The following FAM13A variants were observed in gnomAD, a reference collection of about 807,000 sequenced individuals.
FAM13A encodes the protein family with sequence similarity 13 member A.
FAM13A carries 76 observed loss-of-function variants against 129.6 expected under a neutral mutation model. The observed-to-expected ratio is 0.59, with a 90% CI of 0.49 to 0.71. The LOEUF (loss-of-function observed/expected upper bound fraction) is 0.71, where lower values mean the gene tolerates loss of function less well. Among genes scored for constraint, FAM13A ranks in the 30% least tolerant of loss-of-function variants. The pLI is 0.00. For missense variants in FAM13A, 1,108 were observed against 1,249.3 expected (o/e 0.89, Z 1.70); for synonymous variants, 443 against 449.9 (o/e 0.98, Z 0.20).
chr4:88,851,131 G>A lies in FAM13A; in HGVS notation c.896C>T (p.Pro299Leu), dbSNP rs2149985773. 1.2e-6 allele frequency: 2 copies of A among 1,613,886 alleles called. No individual in the cohort carries two copies. The highest frequency in any genetic ancestry group is 2.2e-5 in the South Asian group (2 of 91,072). Residue 299 changes from proline (P) to leucine (L), a missense_variant, in exon 7 of 24, where the codon CCA becomes CTA. Pro to Leu is a moderately conservative substitution (Grantham distance 98). Around this residue, in one of 3 missense-constraint regions of FAM13A, gnomAD observed 566 missense variants for 595.7 expected, o/e 0.95. Coordinates refer to ENST00000264344, the MANE Select transcript of FAM13A (RefSeq NM_014883.4). ...CTGAGGAATGCCATCAGATAGCTCT[G>A]GTTGCAGTACTCTGTGGGCCTGAAT... ...GSIQAHRVLQ[P>L]ELSDGIPQLS...
intron 7 of FAM13A, among the ~76,000 whole-genome samples, chr4:88,826,472 T>C (rs560224272): frequency 6.6e-6 from 1 of 152,226 alleles, no homozygotes; most frequent in Non-Finnish European, 1.5e-5. Context: ...ATCTCATAAC[T>C]TGGTAACTAG....
intron 4 of FAM13A, chr4:88,990,250 T>A (rs1762767893): frequency 1.3e-5 from 2 of 152,128 alleles, no homozygotes; most frequent in Non-Finnish European, 2.9e-5. Context: ...AGCCTGTATA[T>A]TAATGAAGTG....
intron 5 of FAM13A, among the ~76,000 whole-genome samples, chr4:88,923,198 T>C (rs1178645141): frequency 6.6e-6 from 1 of 152,202 alleles, no homozygotes; most frequent in African/African-American, 2.4e-5. Context: ...TAACTCATTT[T>C]ATGAGGCCAG....
chr4:88,814,316 G>C (rs757909881), intron 7 of FAM13A, among the ~76,000 whole-genome samples: 2 of 152,188 alleles, frequency 1.3e-5, no homozygotes, highest in African/African-American at 2.4e-5. Flanking sequence ...AAGCCACACA[G>C]GGAGTGAATT....
chr4:88,729,183 C>G (rs996365625), intron 23 of FAM13A: 4 of 151,326 alleles, frequency 2.6e-5, no homozygotes, highest in African/African-American at 9.8e-5. Context: ...TATTGAGTAA[C>G]TTTACATACA....
chr4:88,979,245 T>C (rs1335305003), intron 4 of FAM13A, among the ~76,000 whole-genome samples: 1 of 152,248 alleles, frequency 6.6e-6, no homozygotes, highest in Non-Finnish European at 1.5e-5. Flanking sequence ...CACGTATTGC[T>C]GCTCACAGCA....
intron 4 of FAM13A, 77 bp downstream of exon 4, chr4:88,990,896 A>T: frequency 9.0e-7 from 1 of 1,106,622 alleles, no homozygotes; most frequent in Non-Finnish European, 1.4e-6. Flanking sequence ...ATATGCTTCT[A>T]CATCCCAGTA....
rs536938318 is a variant in FAM13A at position 88,928,006 on chromosome 4, T to C, written c.759+10082A>G. Among the ~76,000 whole-genome samples the C allele has an allele frequency of 7.1e-4, 108 of 152,244 alleles. 1 individual carries two copies. Among genetic ancestry groups the C allele is most frequent in the African/African-American group, 2.5e-3 (105 of 41,566 alleles). On this transcript the variant is annotated intron_variant, in intron 5 of 23. Transcript: ENST00000264344. ...CCACAAACTTCCCTCTTAACACTATTTTTGCTGTATCCTGTGTATGGTGTG... is the reference window on the plus strand; with the variant it reads ...CCACAAACTTCCCTCTTAACACTATCTTTGCTGTATCCTGTGTATGGTGTG...
chr4:88,923,401 C>T (rs368058011), intron 5 of FAM13A, among the ~76,000 whole-genome samples: 50 of 152,202 alleles, frequency 3.3e-4, no homozygotes, highest in African/African-American at 1.0e-3. Context: ...GTTCAACAAA[C>T]GCAAATCAAT....
chr4:88,924,190 T>C lies in FAM13A; in HGVS notation c.759+13898A>G, dbSNP rs562533624. Reference sequence around the variant, plus strand: ...GCTACCAATGACTTTCTTCACAGAATTGGAAAAAACTACTTTAAAGTTCAT... The same window carrying C: ...GCTACCAATGACTTTCTTCACAGAACTGGAAAAAACTACTTTAAAGTTCAT... On this transcript the variant is annotated intron_variant, in intron 5 of 23. Transcript: ENST00000264344. Among the ~76,000 whole-genome samples the C allele has an allele frequency of 4.6e-5, 7 of 152,200 alleles. No individual in the cohort carries two copies. The South Asian group carries it at 1.2e-3, about 27-fold the overall frequency.
intron 7 of FAM13A, 95 bp downstream of exon 7, chr4:88,850,925 G>A: frequency 9.0e-7 from 1 of 1,110,456 alleles, no homozygotes; most frequent in Non-Finnish European, 1.3e-6. Context: ...GTAAACTCCA[G>A]TGGCAGATCA....
At position 88,923,529 on chromosome 4, in the gene FAM13A, G is replaced by A. The variant is rs544194492; in HGVS notation, c.759+14559C>T. ...CCTTCATGCTAAAAACTCTCAATAA[G>A]TTAGGTATTGAGGGGACATATCTCA... On this transcript the variant is annotated intron_variant, in intron 5 of 23. Coordinates refer to ENST00000264344, the MANE Select transcript of FAM13A (RefSeq NM_014883.4). 8.5e-5 allele frequency among the ~76,000 whole-genome samples: 13 copies of A among 152,178 alleles called. No individual in the cohort carries two copies. In the East Asian group the frequency reaches 2.1e-3, roughly 25 times the overall value.
chr4:88,764,772 G>A (rs75366897), intron 13 of FAM13A, among the ~76,000 whole-genome samples: 200 of 152,222 alleles, frequency 1.3e-3, no homozygotes, highest in Non-Finnish European at 2.4e-3. Flanking sequence ...GAACCTTCCT[G>A]AAGAAATTGT....
intron 4 of FAM13A, among the ~76,000 whole-genome samples, chr4:88,948,303 T>C (rs893826273): frequency 5.9e-5 from 9 of 152,154 alleles, no homozygotes; most frequent in East Asian, 1.9e-4. Context: ...TATTGTAAAA[T>C]AGAACTGTTG....
chr4:88,897,904 G>A (rs1031488428), intron 6 of FAM13A, among the ~76,000 whole-genome samples: 2 of 152,096 alleles, frequency 1.3e-5, no homozygotes, highest in African/African-American at 4.8e-5. Context: ...CCCAAACTAA[G>A]TGGAGTTTAG....
At chr4:88,810,531 G>A (rs371360259) in intron 7 of FAM13A, among the ~76,000 whole-genome samples, 7 of 152,176 alleles carry the variant, frequency 4.6e-5, no homozygotes, top group East Asian at 1.9e-4. Flanking sequence ...CCCAAGCAAC[G>A]GAACTATTTG....
intron 7 of FAM13A, among the ~76,000 whole-genome samples, chr4:88,820,489 T>C (rs1012675760): frequency 6.6e-6 from 1 of 152,202 alleles, no homozygotes. Flanking sequence ...TTTGTTTTAA[T>C]AGGTAAAACT....
intron 7 of FAM13A, among the ~76,000 whole-genome samples, chr4:88,819,501 G>GAA (rs1731468679): frequency 2.0e-5 from 3 of 152,064 alleles, no homozygotes; most frequent in Admixed American, 2.0e-4. Context: ...ACATAAAATA[G>GAA]AGATCCTTAC....
chr4:88,848,414 G>A (rs900842327), intron 7 of FAM13A, among the ~76,000 whole-genome samples: 7 of 152,132 alleles, frequency 4.6e-5, no homozygotes, highest in Admixed American at 3.3e-4. Context: ...GCGTCTAAAC[G>A]TGCCTACATT....
Sources: gnomAD v4.1 joint callset for allele counts (sites outside exome capture counted in the v4.1 genomes callset) on GRCh38, gnomAD v4.1.1 for gene constraint, gnomAD v4.1.1 regional missense constraint, MANE v1.5 for transcripts, NCBI Gene and HGNC (gene_info 2026-07-23, HGNC 2026-07-21) for gene names.